The following PDXDC1 variants were observed in gnomAD, a reference collection of about 807,000 sequenced individuals.
PDXDC1 encodes pyridoxal dependent decarboxylase domain containing 1, also known as pyridoxal-dependent decarboxylase domain-containing protein 1.
In PDXDC1, 42 loss-of-function variants were observed where a neutral mutation model predicts 100.1. That is an observed-to-expected ratio of 0.42 (90% CI 0.33 to 0.54). The LOEUF is 0.54. Ranked by LOEUF, PDXDC1 falls within the 20% of genes least tolerant of loss-of-function variation. The pLI is 0.10. For synonymous variants in PDXDC1, 260 were observed against 371.7 expected (o/e 0.70, Z 3.46); for missense variants, 636 against 979.2 (o/e 0.65, Z 4.68).
chr16:15,030,104 G>A, intron 16 of PDXDC1, 48 bp downstream of exon 16: 1 of 1,487,186 alleles, frequency 6.7e-7, no homozygotes, highest in South Asian at 1.2e-5. Flanking sequence ...TGGGGCTGCT[G>A]GGTAGATTAG....
intron 1 of PDXDC1, among the ~76,000 whole-genome samples, chr16:14,978,631 G>A (rs1243895183): frequency 2.0e-5 from 3 of 152,294 alleles, no homozygotes; most frequent in Admixed American, 6.5e-5. Flanking sequence ...CTGGGCTGAA[G>A]CCATCCTCTT....
At chr16:15,089,101 G>T (rs899254621) in intron 16 of PDXDC1, among the ~76,000 whole-genome samples, 1 of 151,938 alleles carries the variant, frequency 6.6e-6, no homozygotes, top group African/African-American at 2.4e-5. Flanking sequence ...TCAGGAGTTC[G>T]AGAGCAGCCT....
At chr16:14,996,270 T>C in intron 1 of PDXDC1, 1 of 356,934 alleles carries the variant, frequency 2.8e-6, no homozygotes, top group South Asian at 2.3e-5. Context: ...GAGGAGGCAA[T>C]GCAGTTTTAA....
chr16:15,127,474 C>G, intron 16 of PDXDC1: 1 of 1,566,454 alleles, frequency 6.4e-7, no homozygotes, highest in Non-Finnish European at 8.6e-7. Context: ...GCCCACCTTG[C>G]TCCGGGACAT....
At chr16:15,025,414 CG>C (rs2042520607) in intron 13 of PDXDC1, 1 of 152,548 alleles carries the variant, frequency 6.6e-6, no homozygotes, top group Non-Finnish European at 1.5e-5. Context: ...TATTAAGCAC[CG>C]CCCCCCTGCC....
intron 16 of PDXDC1, chr16:15,083,531 T>G: frequency 3.1e-6 from 5 of 1,608,720 alleles, no homozygotes; most frequent in Non-Finnish European, 4.2e-6. Flanking sequence ...TCTCTGATTT[T>G]CGAACAAATG....
Position 15,037,962 on chromosome 16 carries a change from T to C in PDXDC1, c.*1687T>C, listed in dbSNP as rs1048601225. The C allele has an allele frequency of 1.6e-5, 19 of 1,166,994 alleles. No homozygotes were observed. Among genetic ancestry groups the C allele is most frequent in the Middle Eastern group, 2.8e-4 (1 of 3,530 alleles). 72.3% of individuals were successfully genotyped at this position (1,166,994 alleles called of 1,614,324 possible). On this transcript the variant is annotated 3_prime_UTR_variant, in exon 23 of 23. Coordinates refer to ENST00000396410, the MANE Select transcript of PDXDC1 (RefSeq NM_015027.4). Reference sequence around the variant, plus strand: ...ACCCAACAGATGTAGGATCCAGATCTGGATTCGTGCCAGCCCCACCAATGG... The same window carrying C: ...ACCCAACAGATGTAGGATCCAGATCCGGATTCGTGCCAGCCCCACCAATGG...
intron 16 of PDXDC1, chr16:15,074,782 C>G (rs553992239): frequency 6.2e-7 from 1 of 1,613,904 alleles, no homozygotes; most frequent in Non-Finnish European, 8.5e-7. Flanking sequence ...GATGTCCAGG[C>G]GCTCGGCTAC....
chr16:15,111,246 C>T (rs1487002207), intron 16 of PDXDC1, among the ~76,000 whole-genome samples: 1 of 145,244 alleles, frequency 6.9e-6, no homozygotes, highest in Admixed American at 6.9e-5. Flanking sequence ...CACCTGAGGT[C>T]GGGAGTTTGA....
intron 14 of PDXDC1, among the ~76,000 whole-genome samples, chr16:15,027,561 A>C (rs1176937826): frequency 1.3e-5 from 2 of 152,284 alleles, no homozygotes; most frequent in African/African-American, 2.4e-5. Context: ...GCAAGGTTTT[A>C]TTGAATGAAA....
intron 16 of PDXDC1, chr16:15,131,137 C>G: frequency 6.2e-7 from 1 of 1,602,464 alleles, no homozygotes; most frequent in Non-Finnish European, 8.5e-7. Context: ...CGCAGGGTTG[C>G]TGCTGTCCAG....
At chr16:15,126,341 T>G in intron 16 of PDXDC1, among the ~76,000 whole-genome samples, 1 of 90,136 alleles carries the variant, frequency 1.1e-5, no homozygotes, top group Non-Finnish European at 2.5e-5. Context: ...CCGGCCATCG[T>G]TCCATTTTAA....
intron 16 of PDXDC1, chr16:15,061,306 A>C (rs1394196406): frequency 6.2e-6 from 1 of 162,502 alleles, no homozygotes; most frequent in Non-Finnish European, 1.3e-5. Flanking sequence ...TTTAAATAGA[A>C]GTTTTATCTT....
chr16:15,036,028 T>A lies in PDXDC1; in HGVS notation c.2120T>A (p.Phe707Tyr), dbSNP rs1163729443. The A allele has an allele frequency of 6.2e-7, 1 of 1,612,994 alleles. No homozygotes were observed. The highest frequency in any genetic ancestry group is 1.1e-5 in the South Asian group (1 of 90,980). The part of the protein sequence containing the change: ...TKQRLPGQKP[F>Y]KRSLRGSDAL... Reference sequence around the variant, plus strand: ...GCCCTTTCTGTAGGCCAGAAGCCTTTTAAAAGGTCCCTGCGAGGTTCAGAT... The same window carrying A: ...GCCCTTTCTGTAGGCCAGAAGCCTTATAAAAGGTCCCTGCGAGGTTCAGAT... Residue 707 changes from phenylalanine (F) to tyrosine (Y), a missense_variant, in exon 23 of 23, where the codon TTT becomes TAT. Around this residue, in one of 4 missense-constraint regions of PDXDC1, gnomAD observed 452 missense variants for 402.9 expected, o/e 1.12. Transcript: ENST00000396410.
At position 14,989,345 on chromosome 16, in the gene PDXDC1, G is replaced by T. The variant is rs1481595312; in HGVS notation, c.22-8408G>T. ...GCTGCGTCTTGGGAGCCACTTGGAG[G>T]CGGTTCACCAGCTTCTTGGCGGCCA... On this transcript the variant is annotated intron_variant, in intron 1 of 22. Transcript: ENST00000396410. The T allele has an allele frequency of 2.0e-5, 32 of 1,612,484 alleles. No individual in the cohort carries two copies. In the East Asian group the frequency reaches 4.7e-4, roughly 24 times the overall value.
the PDXDC1 span, among the ~76,000 whole-genome samples, chr16:15,149,016 C>A: frequency 6.6e-6 from 1 of 152,218 alleles, no homozygotes; most frequent in South Asian, 2.1e-4. Flanking sequence ...GTGCGGGAGC[C>A]ACGTAAGACC....
chr16:15,015,248 A>G (rs1203459056), intron 8 of PDXDC1, among the ~76,000 whole-genome samples: 1 of 152,274 alleles, frequency 6.6e-6, no homozygotes, highest in East Asian at 1.9e-4. Flanking sequence ...GCCCACCTAT[A>G]TGATTTTTAT....
the PDXDC1 span, among the ~76,000 whole-genome samples, chr16:15,145,273 C>T: frequency 2.0e-5 from 3 of 152,224 alleles, no homozygotes; most frequent in Admixed American, 6.5e-5. Context: ...GCGGGGCAGC[C>T]GGAATCCCAT....
chr16:15,038,456 A>G, downstream of PDXDC1: 1 of 663,424 alleles, frequency 1.5e-6, no homozygotes, highest in Non-Finnish European at 2.6e-6. Flanking sequence ...ATGGCATCCA[A>G]AAAGTTACTA....
Sources: allele counts gnomAD v4.1 joint callset (sites outside exome capture counted in the v4.1 genomes callset), GRCh38; gene constraint gnomAD v4.1.1; regional missense constraint gnomAD v4.1.1; transcripts MANE v1.5; gene names NCBI Gene and HGNC (gene_info 2026-07-23, HGNC 2026-07-21).